The following SH3GL3 variants were observed in gnomAD, a reference collection of about 807,000 sequenced individuals.
The protein encoded by SH3GL3 is SH3 domain containing GRB2 like 3, endophilin A3.
A neutral mutation model predicts 47.7 loss-of-function variants in SH3GL3; 33 were observed. The observed-to-expected ratio is 0.69, with a 90% CI of 0.52 to 0.92. The LOEUF (loss-of-function observed/expected upper bound fraction) is 0.92. Ranked by LOEUF, SH3GL3 falls within the 40% of genes least tolerant of loss-of-function variation. The pLI, the probability that SH3GL3 is intolerant of heterozygous loss-of-function variation, is 0.00. For synonymous variants in SH3GL3, 155 were observed against 148.8 expected, an observed-to-expected ratio of 1.04 and a Z score of -0.30; for missense variants, 363 against 417.8, an observed-to-expected ratio of 0.87 and a Z score of 1.14.
intron 1 of SH3GL3, among the ~76,000 whole-genome samples, chr15:83,553,995 T>C (rs1053162439): frequency 5.3e-4 from 81 of 152,044 alleles, no homozygotes; most frequent in Admixed American, 2.0e-3. Context: ...AGTCTGAATA[T>C]GTCTTTATTT....
chr15:83,508,287 G>A (rs555440675), intron 1 of SH3GL3, among the ~76,000 whole-genome samples: 2 of 152,164 alleles, frequency 1.3e-5, no homozygotes, highest in East Asian at 3.9e-4. Context: ...CATTGAGAGG[G>A]GGACATTTAA....
At chr15:83,565,041 G>A in intron 2 of SH3GL3, 93 bp from the exon 3 acceptor site, 1 of 588,322 alleles carries the variant, frequency 1.7e-6, no homozygotes, top group Non-Finnish European at 3.0e-6. Flanking sequence ...CGTGTTAGAA[G>A]AATTAAATTA....
chr15:83,512,946 C>A (rs1438699097), intron 1 of SH3GL3, among the ~76,000 whole-genome samples: 1 of 152,186 alleles, frequency 6.6e-6, no homozygotes. Context: ...AACTTTAGAG[C>A]CATTTGAAAA....
At chr15:83,509,414 G>T (rs2042652324) in intron 1 of SH3GL3, among the ~76,000 whole-genome samples, 1 of 152,178 alleles carries the variant, frequency 6.6e-6, no homozygotes, top group African/African-American at 2.4e-5. Context: ...TGGCTTTCTG[G>T]CTTTAAACTG....
At chr15:83,527,876 T>C (rs1244624516) in intron 1 of SH3GL3, among the ~76,000 whole-genome samples, 2 of 152,138 alleles carry the variant, frequency 1.3e-5, no homozygotes, top group Non-Finnish European at 2.9e-5. Flanking sequence ...TTTGGGTGTT[T>C]GCTCTACCAG....
chr15:83,486,141 T>C (rs2041586521), intron 1 of SH3GL3, among the ~76,000 whole-genome samples: 1 of 152,236 alleles, frequency 6.6e-6, no homozygotes, highest in South Asian at 2.1e-4. Context: ...TTCTCTAATA[T>C]TCTCCAAATG....
Position 83,572,581 on chromosome 15 carries a change from A to G in SH3GL3, c.348A>G (p.Glu116=). The G allele has an allele frequency of 6.2e-7, 1 of 1,613,104 alleles. No individual in the cohort carries two copies. The highest frequency in any genetic ancestry group is 8.5e-7 in the Non-Finnish European group (1 of 1,179,398). The change falls in exon 5 of 9, where the codon GAA becomes GAG. Residue 116 remains glutamate, a synonymous_variant. Coordinates refer to ENST00000427482, the MANE Select transcript of SH3GL3 (RefSeq NM_003027.5). ...EDSTFGNALI[E]VGESMKLMAE... ...CTATTCAAGGCAATGCATTGATAGA[A>G]GTTGGTGAATCCATGAAGCTAATGG...
At chr15:83,631,926 A>G in the SH3GL3 span, among the ~76,000 whole-genome samples, 4 of 152,260 alleles carry the variant, frequency 2.6e-5, no homozygotes, top group Non-Finnish European at 2.9e-5. Flanking sequence ...TTTCTATTGT[A>G]TTGTCAGGCT....
At chr15:83,597,916 T>C (rs959886247) in intron 8 of SH3GL3, among the ~76,000 whole-genome samples, 1 of 152,166 alleles carries the variant, frequency 6.6e-6, no homozygotes, top group Non-Finnish European at 1.5e-5. Context: ...CCCTTAATTA[T>C]GCTTTTTAAA....
chr15:83,591,654 A>G (rs2060101215), intron 8 of SH3GL3, among the ~76,000 whole-genome samples: 1 of 152,184 alleles, frequency 6.6e-6, no homozygotes, highest in African/African-American at 2.4e-5. Flanking sequence ...TTATCAGAGT[A>G]TATGTGTATA....
chr15:83,459,570 C>T (rs1010537689), intron 1 of SH3GL3, among the ~76,000 whole-genome samples: 15 of 152,178 alleles, frequency 9.9e-5, no homozygotes, highest in African/African-American at 3.6e-4. Flanking sequence ...GAATATTGAT[C>T]TACGCCTAGT....
chr15:83,557,261 G>A (rs1191092508), intron 1 of SH3GL3, among the ~76,000 whole-genome samples: 1 of 152,294 alleles, frequency 6.6e-6, no homozygotes, highest in African/African-American at 2.4e-5. Flanking sequence ...CAATATGTTG[G>A]ATGATTTCAC....
rs2060879420 is a variant in SH3GL3 at position 83,618,191 on chromosome 15, T to C, written c.948T>C (p.Asn316=). 1.2e-6 allele frequency: 2 copies of C among 1,609,764 alleles called. No homozygotes were observed. Among genetic ancestry groups the C allele is most frequent in the Non-Finnish European group, 1.7e-6 (2 of 1,176,100 alleles). The change falls in exon 9 of 9, where the codon AAT becomes AAC. Residue 316 remains asparagine (N), a synonymous_variant. Transcript: ENST00000427482. ...FKEGDIITLT[N]QIDENWYEGM... is the part of the protein sequence containing the mutation. The stretch of plus-strand genomic sequence containing the variant: ...AAGGGGACATCATTACATTAACCAA[T>C]CAAATAGATGAAAACTGGTATGAAG...
chr15:83,576,539 T>C (rs1336101322), intron 5 of SH3GL3, 44 bp from the exon 6 acceptor site: 4 of 1,533,608 alleles, frequency 2.6e-6, no homozygotes. Flanking sequence ...GTGCCAGGTT[T>C]TGAATGTAGC....
chr15:83,531,265 A>G (rs934033791), intron 1 of SH3GL3, among the ~76,000 whole-genome samples: 2 of 152,238 alleles, frequency 1.3e-5, no homozygotes, highest in Non-Finnish European at 2.9e-5. Context: ...TGGGAAGCAC[A>G]TCAATAAATT....
At chr15:83,602,561 C>A (rs1215177804) in intron 8 of SH3GL3, among the ~76,000 whole-genome samples, 1 of 152,160 alleles carries the variant, frequency 6.6e-6, no homozygotes, top group Non-Finnish European at 1.5e-5. Flanking sequence ...ATTCTCATGA[C>A]CTAATCACCT....
At chr15:83,504,361 C>T (rs2042404984) in intron 1 of SH3GL3, among the ~76,000 whole-genome samples, 1 of 152,176 alleles carries the variant, frequency 6.6e-6, no homozygotes, top group East Asian at 1.9e-4. Flanking sequence ...TCACAGATGG[C>T]CCCCAGTGAT....
At chr15:83,552,560 A>C (rs1176829896) in intron 1 of SH3GL3, among the ~76,000 whole-genome samples, 1 of 152,150 alleles carries the variant, frequency 6.6e-6, no homozygotes, top group Non-Finnish European at 1.5e-5. Flanking sequence ...GTTGGTGCAA[A>C]AGTAATTGTG....
At chr15:83,500,483 C>T (rs2042248063) in intron 1 of SH3GL3, among the ~76,000 whole-genome samples, 1 of 152,200 alleles carries the variant, frequency 6.6e-6, no homozygotes, top group African/African-American at 2.4e-5. Context: ...GCCCCACATG[C>T]TGAGCCCTAT....
Sources: gnomAD v4.1 joint callset for allele counts (sites outside exome capture counted in the v4.1 genomes callset) on GRCh38, gnomAD v4.1.1 for gene constraint, MANE v1.5 for transcripts, NCBI Gene and HGNC (gene_info 2026-07-23, HGNC 2026-07-21) for gene names.